Variants in NDC80 observed in about 807,000 individuals in gnomAD.
NDC80 encodes the protein NDC80 kinetochore complex component.
NDC80 carries 69 observed loss-of-function variants against 89.3 expected under a neutral mutation model. The ratio of observed to expected loss-of-function variants is 0.77; its 90% CI spans 0.64 to 0.94. The LOEUF is 0.94. Among genes scored for constraint, NDC80 ranks in the 40% least tolerant of loss-of-function variants. The probability of loss-of-function intolerance (pLI) is 0.00; values close to 1 mark genes in which losing one functional copy is unlikely to be tolerated. For synonymous variants in NDC80, 243 were observed against 255.6 expected, an observed-to-expected ratio of 0.95 and a Z score of 0.47; for missense variants, 593 against 739.6, an observed-to-expected ratio of 0.80 and a Z score of 2.30.
chr18:2,614,682 C>A (rs2072775153), intron 16 of NDC80, among the ~76,000 whole-genome samples: 1 of 151,602 alleles, frequency 6.6e-6, no homozygotes, highest in Non-Finnish European at 1.5e-5. Context: ...GAAAAACCAA[C>A]TTTCACTCTA....
chr18:2,576,037 TC>T (rs1275362288), intron 3 of NDC80, among the ~76,000 whole-genome samples: 2 of 152,176 alleles, frequency 1.3e-5, no homozygotes, highest in African/African-American at 4.8e-5. Flanking sequence ...AGGTCGAGGC[TC>T]CGGTGAGCCA....
intron 11 of NDC80, among the ~76,000 whole-genome samples, chr18:2,596,783 C>G (rs944407041): frequency 3.3e-5 from 5 of 151,754 alleles, no homozygotes; most frequent in Non-Finnish European, 5.9e-5. Context: ...ACCCAAATGT[C>G]CAACAATGAT....
intron 5 of NDC80, 132 bp downstream of exon 5, chr18:2,578,273 G>T: frequency 1.3e-5 from 11 of 817,342 alleles, no homozygotes; most frequent in South Asian, 2.3e-5. Flanking sequence ...ATATATGTAG[G>T]ATAAATTGAA....
intron 15 of NDC80, 68 bp from the exon 16 acceptor site, chr18:2,610,691 T>G: frequency 5.2e-6 from 5 of 955,162 alleles, no homozygotes; most frequent in Non-Finnish European, 7.6e-6. Flanking sequence ...AAATGGGAAG[T>G]GAGCTAACTA....
chr18:2,586,573 T>G (rs1369570079), intron 7 of NDC80, among the ~76,000 whole-genome samples: 3 of 151,972 alleles, frequency 2.0e-5, no homozygotes, highest in Non-Finnish European at 4.4e-5. Context: ...CTGCAAAAAG[T>G]ACAAAAATTA....
chr18:2,585,062 A>G (rs755986343), intron 6 of NDC80, 51 bp from the exon 7 acceptor site: 151 of 1,432,330 alleles, frequency 1.1e-4, no homozygotes, highest in Non-Finnish European at 1.3e-4. Flanking sequence ...CCAAAAAATG[A>G]AAGTTGTGTT....
At position 2,580,731 on chromosome 18, in the gene NDC80, A is replaced by ATTTTTTTTTTTTTTTTTTTTT. The variant is rs71365186; in HGVS notation, c.579+1711_579+1731dup. On this transcript the variant is annotated intron_variant, in intron 6 of 16. Coordinates refer to ENST00000261597, the MANE Select transcript of NDC80 (RefSeq NM_006101.3). Reference sequence around the variant, plus strand: ...ACTACTTTTTTGGTCTCACCATCAGATTTTTTTTTTTTTTTTTTTTTTTTT... The same window carrying ATTTTTTTTTTTTTTTTTTTTT: ...ACTACTTTTTTGGTCTCACCATCAGATTTTTTTTTTTTTTTTTTTTTTTTTTTTTTTTTTTTTTTTTTTTTT... Among the ~76,000 whole-genome samples, 37 of 55,450 alleles carry ATTTTTTTTTTTTTTTTTTTTT rather than the reference A, an allele frequency of 6.7e-4. 14 individuals are homozygous for ATTTTTTTTTTTTTTTTTTTTT. Among genetic ancestry groups the ATTTTTTTTTTTTTTTTTTTTT allele is most frequent in the East Asian group, 1.8e-3 (2 of 1,090 alleles). 36.4% of individuals were successfully genotyped at this position (55,450 alleles called of 152,430 possible).
Position 2,616,267 on chromosome 18 carries a change from C to T in NDC80, c.1792-170C>T, listed in dbSNP as rs548908277. On this transcript the variant is annotated intron_variant, in intron 16 of 16. Coordinates refer to ENST00000261597, the MANE Select transcript of NDC80 (RefSeq NM_006101.3). ...CTCAAACTCCTGACCTCAAGTGATC[C>T]ACCCACCTCAGCCTCATAAAGTGCT... 2.0e-4 allele frequency among the ~76,000 whole-genome samples: 31 copies of T among 152,254 alleles called. No individual in the cohort carries two copies. In the South Asian group the frequency reaches 3.7e-3, roughly 18 times the overall value.
At chr18:2,593,047 TG>T (rs2072635550) in intron 10 of NDC80, among the ~76,000 whole-genome samples, 5 of 121,092 alleles carry the variant, frequency 4.1e-5, no homozygotes, top group African/African-American at 1.1e-4. Flanking sequence ...TGTGTGTGTG[TG>T]TGTGTGTCTT....
chr18:2,616,331 A>T, intron 16 of NDC80, 106 bp from the exon 17 acceptor site: 1 of 804,920 alleles, frequency 1.2e-6, no homozygotes, highest in Non-Finnish European at 1.8e-6. Flanking sequence ...GGCCCTTTTT[A>T]TTCTTAACTT....
intron 6 of NDC80, among the ~76,000 whole-genome samples, chr18:2,583,977 A>T (rs9947689): frequency 0.063 from 9,620 of 152,162 alleles, 329 homozygotes; most frequent in African/African-American, 0.082. Flanking sequence ...TGTTCATTAT[A>T]CTATTAGATA....
At chr18:2,606,159 A>G (rs1232016305) in intron 13 of NDC80, among the ~76,000 whole-genome samples, 5 of 151,378 alleles carry the variant, frequency 3.3e-5, no homozygotes, top group South Asian at 2.1e-4. Context: ...TATAATATAT[A>G]TGAGAGCTTA....
rs1354777717 is a variant in NDC80, at chr18:2,616,597, A to G, written c.*23A>G. The G allele has an allele frequency of 2.4e-6, 3 of 1,271,848 alleles. No homozygotes were observed. The highest frequency in any genetic ancestry group is 3.2e-6 in the Non-Finnish European group (3 of 940,564). 78.8% of individuals were successfully genotyped at this position (1,271,848 alleles called of 1,614,324 possible). A position where few individuals can be genotyped will look rare whatever the true frequency, so the allele number is the denominator to read the frequency against. On this transcript the variant is annotated 3_prime_UTR_variant, in exon 17 of 17. Coordinates refer to ENST00000261597, the MANE Select transcript of NDC80 (RefSeq NM_006101.3). ...TGAAGATAAAATGTTGATCATGTAT[A>G]TATATCCATAGTGAATAAAATTGTC...
At chr18:2,606,944 A>T (rs1331345888) in intron 14 of NDC80, among the ~76,000 whole-genome samples, 1 of 152,078 alleles carries the variant, frequency 6.6e-6, no homozygotes, top group Non-Finnish European at 1.5e-5. Flanking sequence ...GTTTACGTGC[A>T]ATCTAGAAGG....
chr18:2,592,044 G>A (rs1165922605), intron 10 of NDC80, among the ~76,000 whole-genome samples: 1 of 152,086 alleles, frequency 6.6e-6, no homozygotes, highest in Non-Finnish European at 1.5e-5. Context: ...GTGAGCCACA[G>A]CACCCGGCCT....
chr18:2,611,105 A>G (rs1199792598), intron 16 of NDC80, among the ~76,000 whole-genome samples: 2 of 146,918 alleles, frequency 1.4e-5, no homozygotes, highest in African/African-American at 5.1e-5. Context: ...CTGGAGTCCA[A>G]TGGCATGGTC....
chr18:2,593,116 A>G (rs1321920863), intron 10 of NDC80, among the ~76,000 whole-genome samples: 2 of 142,070 alleles, frequency 1.4e-5, no homozygotes, highest in Non-Finnish European at 3.0e-5. Flanking sequence ...GTGCAATGGC[A>G]CGATCTCAGT....
At position 2,595,558 on chromosome 18, in the gene NDC80, C is replaced by T. The variant is rs1276199748; in HGVS notation, c.1158C>T (p.Asp386=). Residue 386 remains aspartate (D), a synonymous_variant, in exon 11 of 17, where the codon GAC becomes GAT. Transcript: ENST00000261597. The part of the protein sequence containing the change: ...LQQTINKLTK[D]LEAEQQKLWN... Reference sequence around the variant, plus strand: ...AGACTATTAATAAATTAACCAAGGACCTGGAAGCTGAACAACAGAAGTTGT... The same window carrying T: ...AGACTATTAATAAATTAACCAAGGATCTGGAAGCTGAACAACAGAAGTTGT... 5.6e-6 allele frequency: 9 copies of T among 1,613,694 alleles called. No homozygotes were observed. The highest frequency in any genetic ancestry group is 6.8e-6 in the Non-Finnish European group (8 of 1,179,768).
intron 6 of NDC80, among the ~76,000 whole-genome samples, chr18:2,580,731 A>ATTTT (rs71365186): frequency 0.019 from 1,041 of 55,388 alleles, 276 homozygotes; most frequent in Middle Eastern, 0.038. Flanking sequence ...TCACCATCAG[A>ATTTT]TTTTTTTTTT....
Sources: gnomAD v4.1 joint callset for allele counts (sites outside exome capture counted in the v4.1 genomes callset) on GRCh38, gnomAD v4.1.1 for gene constraint, MANE v1.5 for transcripts, NCBI Gene and HGNC (gene_info 2026-07-23, HGNC 2026-07-21) for gene names.